Variants in SNX13 observed in about 807,000 individuals in gnomAD.
SNX13 encodes the protein sorting nexin-13.
A neutral mutation model predicts 133.6 loss-of-function variants in SNX13; 45 were observed. The observed-to-expected ratio is 0.34, with a 90% confidence interval of 0.27 to 0.43. The LOEUF (loss-of-function observed/expected upper bound fraction) is 0.43, where lower values mean the gene tolerates loss of function less well. SNX13 is among the 20% of genes least tolerant of loss of function. SNX13 has a pLI of 1.00. For missense variants in SNX13, 1,032 were observed against 1,145.1 expected, an observed-to-expected ratio of 0.90 and a Z score of 1.43; for synonymous variants, 414 against 373.9, an observed-to-expected ratio of 1.11 and a Z score of -1.24.
intron 1 of SNX13, among the ~76,000 whole-genome samples, chr7:17,912,080 A>T (rs1583745105): frequency 6.6e-6 from 1 of 152,308 alleles, no homozygotes; most frequent in Non-Finnish European, 1.5e-5. Flanking sequence ...GTGCATAAAG[A>T]TCAACTCTGC....
chr7:17,882,325 A>G (rs1181817920), intron 5 of SNX13: 1 of 152,218 alleles, frequency 6.6e-6, no homozygotes, highest in African/African-American at 2.4e-5. Context: ...ACTTAAAAAA[A>G]ATCAAACTCA....
intron 15 of SNX13, chr7:17,832,148 T>A (rs1788568184): frequency 1.0e-6 from 1 of 984,228 alleles, no homozygotes; most frequent in Non-Finnish European, 1.2e-6. Context: ...AAGAGAAGCA[T>A]ATTTACTTCA....
intron 2 of SNX13, among the ~76,000 whole-genome samples, chr7:17,897,103 T>C (rs1251048299): frequency 2.0e-5 from 3 of 152,090 alleles, no homozygotes; most frequent in African/African-American, 7.2e-5. Context: ...AAAAAGTTCA[T>C]ACCTTTGGAA....
intron 1 of SNX13, among the ~76,000 whole-genome samples, chr7:17,928,485 C>T (rs1801016278): frequency 6.6e-6 from 1 of 152,190 alleles, no homozygotes; most frequent in South Asian, 2.1e-4. Flanking sequence ...ATGAACTGAG[C>T]TTTGGCTTAA....
intron 18 of SNX13, among the ~76,000 whole-genome samples, chr7:17,820,825 A>G (rs1787207582): frequency 6.6e-6 from 1 of 152,142 alleles, no homozygotes; most frequent in Non-Finnish European, 1.5e-5. Context: ...AAGAGTTAAA[A>G]TAAGTTAAAA....
At chr7:17,815,517 C>G (rs1170241694) in intron 19 of SNX13, among the ~76,000 whole-genome samples, 1 of 152,120 alleles carries the variant, frequency 6.6e-6, no homozygotes, top group Admixed American at 6.5e-5. Flanking sequence ...CCCAGGAGTT[C>G]AAAGTTACAG....
chr7:17,795,101 T>A (rs886712039), intron 25 of SNX13: 1 of 151,404 alleles, frequency 6.6e-6, no homozygotes, highest in Non-Finnish European at 1.5e-5. Context: ...ATAGTACAAG[T>A]TGGGTTGAAT....
At chr7:17,874,086 T>C (rs1247969439) in intron 7 of SNX13, among the ~76,000 whole-genome samples, 2 of 152,206 alleles carry the variant, frequency 1.3e-5, no homozygotes, top group African/African-American at 4.8e-5. Context: ...AGAGCTCAAC[T>C]TACATAAAAG....
At chr7:17,906,981 A>G (rs1404424) in intron 1 of SNX13, among the ~76,000 whole-genome samples, 92,204 of 152,080 alleles carry the variant, frequency 0.61, 29,309 homozygotes, top group African/African-American at 0.8. Context: ...GAAAGCCACA[A>G]GCTGACAGAA....
At chr7:17,898,918 A>G (rs1471803567) in intron 1 of SNX13, 1 of 152,174 alleles carries the variant, frequency 6.6e-6, no homozygotes, top group Non-Finnish European at 1.5e-5. Context: ...TCTTTTAACC[A>G]AAGGACAGAA....
At chr7:17,801,151 T>C (rs1784605436) in intron 22 of SNX13, among the ~76,000 whole-genome samples, 3 of 150,612 alleles carry the variant, frequency 2.0e-5, no homozygotes, top group Non-Finnish European at 1.5e-5. Flanking sequence ...ATTCATGATA[T>C]AACAAATAGA....
At chr7:17,858,137 C>T (rs918473033) in intron 9 of SNX13, among the ~76,000 whole-genome samples, 1 of 152,060 alleles carries the variant, frequency 6.6e-6, no homozygotes, top group African/African-American at 2.4e-5. Flanking sequence ...ATGCCTACTC[C>T]TACAAATTTT....
intron 1 of SNX13, among the ~76,000 whole-genome samples, chr7:17,939,986 A>G (rs1344528205): frequency 6.6e-6 from 1 of 152,188 alleles, no homozygotes; most frequent in Non-Finnish European, 1.5e-5. Flanking sequence ...GTAAGGGGAC[A>G]CGAAGAAGGG....
chr7:17,934,257 C>T (rs558833066), intron 1 of SNX13, among the ~76,000 whole-genome samples: 1 of 152,252 alleles, frequency 6.6e-6, no homozygotes, highest in African/African-American at 2.4e-5. Context: ...TTCCAGATTA[C>T]AATCAATTGA....
chr7:17,902,355 T>C (rs1308608191), intron 1 of SNX13, among the ~76,000 whole-genome samples: 1 of 151,660 alleles, frequency 6.6e-6, no homozygotes, highest in Non-Finnish European at 1.5e-5. Flanking sequence ...ATCAAGCAAG[T>C]GCAGTGCTAA....
chr7:17,913,621 A>C (rs1799229625), intron 1 of SNX13, among the ~76,000 whole-genome samples: 1 of 152,136 alleles, frequency 6.6e-6, no homozygotes, highest in Non-Finnish European at 1.5e-5. Context: ...CAAGGAACCC[A>C]TACAGAGCCT....
intron 1 of SNX13, among the ~76,000 whole-genome samples, chr7:17,902,193 A>T (rs1169214875): frequency 6.6e-6 from 1 of 151,290 alleles, no homozygotes. Flanking sequence ...AATTTCTGCA[A>T]TGTGCCAGGT....
At chr7:17,867,231 T>A (rs1443425698) in intron 9 of SNX13, among the ~76,000 whole-genome samples, 2 of 152,262 alleles carry the variant, frequency 1.3e-5, no homozygotes, top group East Asian at 1.9e-4. Context: ...CAGGAAAGGC[T>A]CCAGAAGTAC....
At chr7:17,877,870 C>T (rs902059704) in intron 5 of SNX13, among the ~76,000 whole-genome samples, 1 of 151,864 alleles carries the variant, frequency 6.6e-6, no homozygotes, top group Non-Finnish European at 1.5e-5. Flanking sequence ...GACTTATTTC[C>T]ACTGACTTCA....
Sources: allele counts gnomAD v4.1 joint callset (sites outside exome capture counted in the v4.1 genomes callset), GRCh38; gene constraint gnomAD v4.1.1; transcripts MANE v1.5; gene names NCBI Gene and HGNC (gene_info 2026-07-23, HGNC 2026-07-21).